The following DNAJC1 variants were observed in gnomAD, a reference collection of about 807,000 sequenced individuals.
DNAJC1 encodes dnaJ homolog subfamily C member 1.
In DNAJC1, 58 loss-of-function variants were observed where a neutral mutation model predicts 76.6. The ratio of observed to expected loss-of-function variants is 0.76; its 90% CI spans 0.61 to 0.94. The LOEUF (loss-of-function observed/expected upper bound fraction) is 0.94. Among genes scored for constraint, DNAJC1 ranks in the 40% least tolerant of loss-of-function variants. The probability of loss-of-function intolerance (pLI) is 0.00; values close to 1 mark genes in which losing one functional copy is unlikely to be tolerated. For missense variants in DNAJC1, 689 were observed against 677.3 expected, an observed-to-expected ratio of 1.02 and a Z score of -0.19; for synonymous variants, 258 against 267.9, an observed-to-expected ratio of 0.96 and a Z score of 0.36.
intron 8 of DNAJC1, among the ~76,000 whole-genome samples, chr10:21,822,438 C>CAAAT (rs766969887): frequency 3.9e-3 from 110 of 28,432 alleles, no homozygotes; most frequent in Non-Finnish European, 6.9e-3. Flanking sequence ...GACTCCGACT[C>CAAAT]AAATAAATAA....
At chr10:21,759,893 T>A (rs1322959371) in intron 10 of DNAJC1, among the ~76,000 whole-genome samples, 1 of 152,164 alleles carries the variant, frequency 6.6e-6, no homozygotes, top group Non-Finnish European at 1.5e-5. Context: ...TGAGGAATAA[T>A]GGGTATATAA....
At chr10:21,988,262 G>A (rs1838278033) in intron 1 of DNAJC1, among the ~76,000 whole-genome samples, 1 of 151,978 alleles carries the variant, frequency 6.6e-6, no homozygotes, top group African/African-American at 2.4e-5. Context: ...ATGTTAGAAA[G>A]GCATCAGCTG....
At chr10:21,784,060 A>G (rs1335775131) in intron 9 of DNAJC1, among the ~76,000 whole-genome samples, 1 of 152,246 alleles carries the variant, frequency 6.6e-6, no homozygotes, top group Non-Finnish European at 1.5e-5. Flanking sequence ...ATGGGATCTA[A>G]ATAAGCTAAA....
At chr10:21,841,439 G>A (rs532469182) in intron 8 of DNAJC1, among the ~76,000 whole-genome samples, 89 of 152,210 alleles carry the variant, frequency 5.8e-4, no homozygotes, top group African/African-American at 1.8e-3. Context: ...ACAAGTGGGC[G>A]AAGGATATGA....
chr10:21,759,997 G>T (rs1484201575), intron 10 of DNAJC1, among the ~76,000 whole-genome samples: 1 of 152,220 alleles, frequency 6.6e-6, no homozygotes, highest in Non-Finnish European at 1.5e-5. Flanking sequence ...CCACTGGAAA[G>T]ACAAAAATCA....
At chr10:21,985,722 G>A (rs891212395) in intron 1 of DNAJC1, among the ~76,000 whole-genome samples, 2 of 152,128 alleles carry the variant, frequency 1.3e-5, no homozygotes, top group African/African-American at 4.8e-5. Context: ...ATATTAAATA[G>A]CATTGCACTG....
Position 21,849,308 on chromosome 10 carries a change from A to C in DNAJC1, c.978+32974T>G, listed in dbSNP as rs550532351. 2.9e-3 allele frequency among the ~76,000 whole-genome samples: 441 copies of C among 150,380 alleles called. 3 individuals are homozygous for C. The highest frequency in any genetic ancestry group is 5.1e-3 in the Non-Finnish European group (342 of 67,476). On this transcript the variant is annotated intron_variant, in intron 8 of 11. Coordinates refer to ENST00000376980, the MANE Select transcript of DNAJC1 (RefSeq NM_022365.4). ...ACTCCGCCTCAAAAAAAAAAAAAAA[A>C]AAAAAAAAAAAGTAAATGCCTACAC...
At chr10:21,980,312 C>G (rs1481532840) in intron 1 of DNAJC1, among the ~76,000 whole-genome samples, 1 of 151,898 alleles carries the variant, frequency 6.6e-6, no homozygotes, top group Admixed American at 6.6e-5. Context: ...GACACTTAAC[C>G]AAATGATCAA....
chr10:21,791,829 GAAACC>G (rs1264313985), intron 9 of DNAJC1, among the ~76,000 whole-genome samples: 2 of 151,958 alleles, frequency 1.3e-5, no homozygotes, highest in Non-Finnish European at 2.9e-5. Flanking sequence ...AGAAAAGCAA[GAAACC>G]AAACCCAAAG....
intron 8 of DNAJC1, among the ~76,000 whole-genome samples, chr10:21,857,133 T>C (rs578220094): frequency 2.3e-4 from 35 of 152,360 alleles, no homozygotes; most frequent in African/African-American, 7.9e-4. Context: ...TAAAGAAGGA[T>C]ATGCCATTTA....
At chr10:21,773,792 C>T (rs532712845) in intron 9 of DNAJC1, among the ~76,000 whole-genome samples, 2 of 151,452 alleles carry the variant, frequency 1.3e-5, no homozygotes, top group South Asian at 2.1e-4. Context: ...TATAAATGTC[C>T]CTCTTTATTA....
At chr10:21,779,091 G>A (rs113244555) in intron 9 of DNAJC1, among the ~76,000 whole-genome samples, 4,318 of 152,316 alleles carry the variant, frequency 0.028, 84 homozygotes, top group Non-Finnish European at 0.041. Context: ...TAAACAAAGC[G>A]GCCAGGAAGC....
chr10:21,847,062 C>T (rs1210738802), intron 8 of DNAJC1, among the ~76,000 whole-genome samples: 1 of 152,028 alleles, frequency 6.6e-6, no homozygotes, highest in Non-Finnish European at 1.5e-5. Context: ...GGTCCCTTCC[C>T]CTTTTCTAGC....
At chr10:21,910,054 T>C (rs1467916969) in intron 6 of DNAJC1, among the ~76,000 whole-genome samples, 1 of 152,144 alleles carries the variant, frequency 6.6e-6, no homozygotes, top group East Asian at 1.9e-4. Context: ...TAGTTAAGCC[T>C]GAAGATACAA....
chr10:21,841,092 A>G (rs1416125810), intron 8 of DNAJC1, among the ~76,000 whole-genome samples: 1 of 152,248 alleles, frequency 6.6e-6, no homozygotes, highest in African/African-American at 2.4e-5. Context: ...CACCTTATAC[A>G]AACATTAATT....
At chr10:21,797,161 AT>A (rs1417611112) in intron 9 of DNAJC1, among the ~76,000 whole-genome samples, 2 of 152,020 alleles carry the variant, frequency 1.3e-5, no homozygotes, top group Admixed American at 1.3e-4. Flanking sequence ...ATTCTTTTGC[AT>A]GTGGACATTA....
At chr10:21,758,739 CA>C (rs1470538010) in intron 11 of DNAJC1, among the ~76,000 whole-genome samples, 1 of 152,244 alleles carries the variant, frequency 6.6e-6, no homozygotes, top group Non-Finnish European at 1.5e-5. Context: ...AGATTTGCTA[CA>C]CAGCCAATGG....
chr10:21,878,499 T>C (rs969791344), intron 8 of DNAJC1, among the ~76,000 whole-genome samples: 2 of 152,224 alleles, frequency 1.3e-5, no homozygotes, highest in East Asian at 3.8e-4. Flanking sequence ...TAAGTAGTTG[T>C]GTATGTTTTG....
intron 1 of DNAJC1, among the ~76,000 whole-genome samples, chr10:21,958,036 C>A (rs898303304): frequency 6.6e-6 from 1 of 152,168 alleles, no homozygotes; most frequent in East Asian, 1.9e-4. Context: ...CTACCTAACA[C>A]TGGTTTTACC....
Sources: gnomAD v4.1 joint callset for allele counts (sites outside exome capture counted in the v4.1 genomes callset) on GRCh38, gnomAD v4.1.1 for gene constraint, MANE v1.5 for transcripts, NCBI Gene and HGNC (gene_info 2026-07-23, HGNC 2026-07-21) for gene names.